Variants in ZFHX3 observed in about 807,000 individuals in gnomAD.
The protein encoded by ZFHX3 is zinc finger homeobox 3.
In ZFHX3, 42 loss-of-function variants were observed where a neutral mutation model predicts 279.1. The observed-to-expected ratio is 0.15, with a 90% CI of 0.12 to 0.19. ZFHX3 has a LOEUF of 0.19. Ranked by LOEUF, ZFHX3 falls within the 10% of genes least tolerant of loss-of-function variation. The probability of loss-of-function intolerance (pLI) is 1.00; values close to 1 mark genes in which losing one functional copy is unlikely to be tolerated. For synonymous variants in ZFHX3, 2,293 were observed against 1,957.8 expected, an observed-to-expected ratio of 1.17 and a Z score of -4.52; for missense variants, 4,981 against 4,754.0, an observed-to-expected ratio of 1.05 and a Z score of -1.40.
At chr16:73,037,409 A>G (rs771020193) in intron 1 of ZFHX3, among the ~76,000 whole-genome samples, 1 of 152,200 alleles carries the variant, frequency 6.6e-6, no homozygotes, top group Non-Finnish European at 1.5e-5. Flanking sequence ...GTCGTCTAGA[A>G]AAAGCGAAGA....
chr16:73,722,673 G>A (rs2053484764), intron 1 of ZFHX3, among the ~76,000 whole-genome samples: 1 of 151,996 alleles, frequency 6.6e-6, no homozygotes, highest in Non-Finnish European at 1.5e-5. Context: ...TTCTGAGTGG[G>A]GATATAAACC....
intron 3 of ZFHX3, among the ~76,000 whole-genome samples, chr16:73,344,040 T>C (rs568723004): frequency 1.3e-5 from 2 of 152,334 alleles, no homozygotes; most frequent in African/African-American, 4.8e-5. Flanking sequence ...AGGTGAATGT[T>C]TGATGAAGAT....
At chr16:73,853,324 G>T (rs1007957721) in intron 1 of ZFHX3, among the ~76,000 whole-genome samples, 1 of 152,044 alleles carries the variant, frequency 6.6e-6, no homozygotes, top group African/African-American at 2.4e-5. Context: ...CCCACTACTG[G>T]GTATCTGCTC....
intron 4 of ZFHX3, among the ~76,000 whole-genome samples, chr16:72,844,856 C>G (rs1255742123): frequency 4.6e-5 from 7 of 152,072 alleles, no homozygotes; most frequent in South Asian, 2.1e-4. Context: ...CCCCGAAAAC[C>G]CTGCCCCGCC....
chr16:72,925,712 T>C (rs959957975), intron 3 of ZFHX3, among the ~76,000 whole-genome samples: 4 of 152,202 alleles, frequency 2.6e-5, no homozygotes, highest in Non-Finnish European at 2.9e-5. Flanking sequence ...AGTCCAGAAT[T>C]TGTCTAATTT....
At chr16:73,543,730 TCTC>T (rs1242429018) in intron 2 of ZFHX3, among the ~76,000 whole-genome samples, 18 of 151,832 alleles carry the variant, frequency 1.2e-4, no homozygotes, top group Admixed American at 9.8e-4. Context: ...CACCTTCTCT[TCTC>T]CTCCCAGCTT....
Position 72,787,048 on chromosome 16 carries a change from T to TG in ZFHX3, c.*115_*116insC, listed in dbSNP as rs2035414018. ...GCTTTTTCTTTTTTTTCTTTTTTTT[T>TG]TTTTTTTTGTTTTTTGGTTAGAAGC... On this transcript the variant is annotated 3_prime_UTR_variant, in exon 10 of 10. Coordinates refer to ENST00000268489, the MANE Select transcript of ZFHX3 (RefSeq NM_006885.4). 3 of 1,008,152 alleles carry TG rather than the reference T, an allele frequency of 3.0e-6. No individual in the cohort carries two copies. The highest frequency in any genetic ancestry group is 3.8e-6 in the Non-Finnish European group (3 of 799,296). 62.5% of individuals were successfully genotyped at this position (1,008,152 alleles called of 1,614,324 possible). A position where few individuals can be genotyped will look rare whatever the true frequency, so the allele number is the denominator to read the frequency against.
intron 3 of ZFHX3, among the ~76,000 whole-genome samples, chr16:73,439,270 G>A (rs539619819): frequency 6.6e-6 from 1 of 152,256 alleles, no homozygotes; most frequent in South Asian, 2.1e-4. Flanking sequence ...GTTGAATGAT[G>A]AAACACAGTT....
At chr16:73,130,020 T>G (rs1966649221) in intron 7 of ZFHX3, among the ~76,000 whole-genome samples, 1 of 152,198 alleles carries the variant, frequency 6.6e-6, no homozygotes. Flanking sequence ...AATTCCAGAA[T>G]GCAGAGGCGA....
At chr16:73,563,706 T>C (rs1179245604) in intron 2 of ZFHX3, among the ~76,000 whole-genome samples, 1 of 152,166 alleles carries the variant, frequency 6.6e-6, no homozygotes, top group Middle Eastern at 3.2e-3. Context: ...CCCTTCTACC[T>C]GTCAAAATGC....
Position 72,796,386 on chromosome 16 carries a change from G to A in ZFHX3, c.6296C>T (p.Pro2099Leu), listed in dbSNP as rs750685334. 12 of 1,613,438 alleles carry A rather than the reference G, an allele frequency of 7.4e-6. No homozygotes were observed. The highest frequency in any genetic ancestry group is 3.3e-5 in the South Asian group (3 of 91,054). Residue 2099 changes from proline (P) to leucine (L), a missense_variant, in exon 9 of 10, where the codon CCG (proline) becomes CTG (leucine). Physicochemically the swap from Pro to Leu is moderately conservative, Grantham distance 98. Around this residue, in one of 7 missense-constraint regions of ZFHX3, gnomAD observed 1,751 missense variants for 1,770.0 expected, o/e 0.99. Coordinates refer to ENST00000268489, the MANE Select transcript of ZFHX3 (RefSeq NM_006885.4). ...CAGCGGCATCGTCTGCATCATCAGC[G>A]GCGAGAAGATGGGCAGCTCCATCGG... ...SMPMELPIFS[P>L]LMMQTMPLQT...
At chr16:72,878,611 C>A (rs1377256494) in intron 4 of ZFHX3, among the ~76,000 whole-genome samples, 1 of 152,214 alleles carries the variant, frequency 6.6e-6, no homozygotes, top group Non-Finnish European at 1.5e-5. Context: ...CTTAGGATTT[C>A]TTCATTTCTA....
intron 7 of ZFHX3, among the ~76,000 whole-genome samples, chr16:73,114,020 T>A (rs1966406257): frequency 6.6e-6 from 1 of 151,868 alleles, no homozygotes; most frequent in African/African-American, 2.4e-5. Flanking sequence ...ATGGTCTCCA[T>A]CTCCTGACCT....
intron 5 of ZFHX3, chr16:73,232,966 T>C (rs2012822763): frequency 1.3e-5 from 2 of 150,782 alleles, no homozygotes; most frequent in African/African-American, 4.9e-5. Flanking sequence ...ATGGGTTCAG[T>C]GGAGGGTGTG....
chr16:73,798,397 A>C (rs867486129), intron 1 of ZFHX3, among the ~76,000 whole-genome samples: 1 of 152,068 alleles, frequency 6.6e-6, no homozygotes, highest in African/African-American at 2.4e-5. Flanking sequence ...GCTGAAATGC[A>C]TTTAAAACAG....
chr16:73,300,872 G>A (rs1362078978), intron 4 of ZFHX3, among the ~76,000 whole-genome samples: 1 of 152,206 alleles, frequency 6.6e-6, no homozygotes, highest in Non-Finnish European at 1.5e-5. Flanking sequence ...ACATTGGGAG[G>A]TGTCCAGCAC....
intron 5 of ZFHX3, among the ~76,000 whole-genome samples, chr16:73,222,668 A>C (rs2012460925): frequency 1.3e-5 from 2 of 152,150 alleles, no homozygotes. Flanking sequence ...GATTCAGTGT[A>C]GTCTCAATCA....
intron 5 of ZFHX3, among the ~76,000 whole-genome samples, chr16:73,228,182 T>A (rs61301583): frequency 6.6e-6 from 1 of 152,206 alleles, no homozygotes; most frequent in Non-Finnish European, 1.5e-5. Flanking sequence ...CTGGTTAACA[T>A]TGAAGCCACA....
intron 1 of ZFHX3, among the ~76,000 whole-genome samples, chr16:73,844,880 G>A (rs901335108): frequency 4.0e-5 from 6 of 150,164 alleles, no homozygotes; most frequent in African/African-American, 7.3e-5. Context: ...GTAGGTAGGC[G>A]GATGGTAGGA....
Sources: allele counts gnomAD v4.1 joint callset (sites outside exome capture counted in the v4.1 genomes callset), GRCh38; gene constraint gnomAD v4.1.1; regional missense constraint gnomAD v4.1.1; transcripts MANE v1.5; gene names NCBI Gene and HGNC (gene_info 2026-07-23, HGNC 2026-07-21).